Variants in PIEZO2 observed in about 807,000 individuals in gnomAD.
PIEZO2 encodes piezo type mechanosensitive ion channel component 2.
Under a neutral mutation model 337.3 loss-of-function variants are expected in PIEZO2, and 172 were observed. The observed-to-expected ratio is 0.51, with a 90% CI of 0.45 to 0.58. PIEZO2 has a LOEUF of 0.58. PIEZO2 is among the 20% of genes least tolerant of loss of function. The probability of loss-of-function intolerance (pLI) is 0.00; values close to 1 mark genes in which losing one functional copy is unlikely to be tolerated. For missense variants in PIEZO2, 3,028 were observed against 3,391.3 expected (o/e 0.89, Z 2.66); for synonymous variants, 1,251 against 1,228.5 (o/e 1.02, Z -0.38).
Position 10,870,451 on chromosome 18 carries a change from AAT to A in PIEZO2, c.492+800_492+801del, listed in dbSNP as rs1455477486. Reference sequence around the variant, plus strand: ...CGTTTTGCATCAAATGTCCAAATAAAATAGTCACTTTTTCCTTTATAAATGTT... The same window carrying A: ...CGTTTTGCATCAAATGTCCAAATAAAAGTCACTTTTTCCTTTATAAATGTT... On this transcript the variant is annotated intron_variant, in intron 5 of 55. Transcript: ENST00000674853. The surrounding 1 kb of genome is among the most constrained non-coding windows in gnomAD (Gnocchi z 5.3). Among the ~76,000 whole-genome samples, 10 of 151,406 alleles carry A rather than the reference AAT, an allele frequency of 6.6e-5. No individual in the cohort carries two copies. In the East Asian group the frequency reaches 1.7e-3, roughly 26 times the overall value.
At chr18:10,790,275 G>GAT (rs1184055989) in intron 14 of PIEZO2, among the ~76,000 whole-genome samples, 1 of 152,090 alleles carries the variant, frequency 6.6e-6, no homozygotes, top group Non-Finnish European at 1.5e-5. Context: ...TGTGTATGGA[G>GAT]ATATATATAT....
At position 11,028,369 on chromosome 18, in the gene PIEZO2, T is replaced by C. The variant is rs763607497; in HGVS notation, c.160+37758A>G. 6.6e-6 allele frequency among the ~76,000 whole-genome samples: 1 copy of C among 152,172 alleles called. No individual in the cohort carries two copies. Among genetic ancestry groups the C allele is most frequent in the Non-Finnish European group, 1.5e-5 (1 of 68,024 alleles). On this transcript the variant is annotated intron_variant, in intron 2 of 55. Transcript: ENST00000674853. The surrounding 1 kb of genome is among the most constrained non-coding windows in gnomAD (Gnocchi z 4.8). ...TCTGCCTCCCAGGTTCAAGCAATTA[T>C]CTTGCCTCAGCCTCCTGAGTAGCTG... is the stretch of plus-strand genomic sequence containing the variant.
rs1303773467 is a variant in PIEZO2, at chr18:11,028,984, C to T, written c.160+37143G>A. On this transcript the variant is annotated intron_variant, in intron 2 of 55. Coordinates refer to ENST00000674853, the MANE Select transcript of PIEZO2 (RefSeq NM_001378183.1). This position sits in a 1 kb window ranked among gnomAD's most constrained non-coding sequence, Gnocchi z 4.8. Reference sequence around the variant, plus strand: ...TAAACAACACCAGTTTTAAGCTGCACCGTCAGTTATTTAAATAGAAATTGA... The same window carrying T: ...TAAACAACACCAGTTTTAAGCTGCATCGTCAGTTATTTAAATAGAAATTGA... 6.6e-6 allele frequency among the ~76,000 whole-genome samples: 1 copy of T among 152,138 alleles called. No individual in the cohort carries two copies. Among genetic ancestry groups the T allele is most frequent in the Admixed American group, 6.5e-5 (1 of 15,282 alleles).
intron 2 of PIEZO2, among the ~76,000 whole-genome samples, chr18:11,037,337 A>T (rs573924184): frequency 6.6e-6 from 1 of 152,222 alleles, no homozygotes. Context: ...TATGCCACGT[A>T]AGAGGAGAGA....
chr18:10,691,979 AT>A (rs1239622013), intron 47 of PIEZO2, among the ~76,000 whole-genome samples: 1 of 151,698 alleles, frequency 6.6e-6, no homozygotes, highest in African/African-American at 2.4e-5. Context: ...CCAAGCCATC[AT>A]TTCTCAAGAC....
intron 37 of PIEZO2, among the ~76,000 whole-genome samples, chr18:10,717,603 G>C (rs2036067123): frequency 6.6e-6 from 1 of 152,070 alleles, no homozygotes; most frequent in Non-Finnish European, 1.5e-5. Context: ...TTTTCTTCCT[G>C]CATAAAGATA....
intron 51 of PIEZO2, 31 bp from the exon 52 acceptor site, chr18:10,680,402 A>G: frequency 6.4e-7 from 1 of 1,570,798 alleles, no homozygotes; most frequent in Non-Finnish European, 8.7e-7. Flanking sequence ...ATGCATAAAT[A>G]GATTATATGC....
intron 4 of PIEZO2, among the ~76,000 whole-genome samples, chr18:10,890,101 A>T (rs548434130): frequency 1.3e-3 from 197 of 152,326 alleles, no homozygotes; most frequent in African/African-American, 4.6e-3. Context: ...TGATGCTTTA[A>T]TTGGCTAGCA....
At chr18:10,925,860 G>T (rs77778788) in intron 3 of PIEZO2, among the ~76,000 whole-genome samples, 20,813 of 151,626 alleles carry the variant, frequency 0.14, 1,915 homozygotes, top group African/African-American at 0.26. Context: ...GAGTCACCGC[G>T]CCTGGCCAAA....
Position 10,871,375 on chromosome 18 carries a change from C to G in PIEZO2, c.370G>C (p.Val124Leu), listed in dbSNP as rs1423079210. The G allele has an allele frequency of 6.5e-7, 1 of 1,537,208 alleles. No individual in the cohort carries two copies. The highest frequency in any genetic ancestry group is 8.7e-7 in the Non-Finnish European group (1 of 1,146,908). Reference protein sequence around the residue: ...ADAGNGIRVFVPDIGMFIASL... With the variant: ...ADAGNGIRVFLPDIGMFIASL... ...GCAATGAACATCCCGATGTCAGGTACAAACACTCTGATCCCATTGCCAGCA... is the reference window on the plus strand; with the variant it reads ...GCAATGAACATCCCGATGTCAGGTAGAAACACTCTGATCCCATTGCCAGCA... The change falls in exon 5 of 56, where the codon GTA becomes CTA. Residue 124 changes from valine to leucine, a missense_variant. Coordinates refer to ENST00000674853, the MANE Select transcript of PIEZO2 (RefSeq NM_001378183.1).
chr18:10,996,616 G>C lies in PIEZO2; in HGVS notation c.161-16956C>G, dbSNP rs528574637. 1.4e-4 allele frequency among the ~76,000 whole-genome samples: 21 copies of C among 152,044 alleles called. No homozygotes were observed. The South Asian group carries it at 1.7e-3, about 12-fold the overall frequency. ...CTTTTGTGTCTCACTTTTTTCACTTGGTATAATGTTTTCAAGGCTCATTCA... is the reference window on the plus strand; with the variant it reads ...CTTTTGTGTCTCACTTTTTTCACTTCGTATAATGTTTTCAAGGCTCATTCA... On this transcript the variant is annotated intron_variant, in intron 2 of 55. Transcript: ENST00000674853.
rs1160979628 is a variant in PIEZO2, at chr18:11,031,863, T to C, written c.160+34264A>G. Among the ~76,000 whole-genome samples, 3 of 152,202 alleles carry C rather than the reference T, an allele frequency of 2.0e-5. No homozygotes were observed. Among genetic ancestry groups the C allele is most frequent in the African/African-American group, 7.2e-5 (3 of 41,440 alleles). On this transcript the variant is annotated intron_variant, in intron 2 of 55. Coordinates refer to ENST00000674853, the MANE Select transcript of PIEZO2 (RefSeq NM_001378183.1). This position sits in a 1 kb window ranked among gnomAD's most constrained non-coding sequence, Gnocchi z 4.7. The stretch of plus-strand genomic sequence containing the variant: ...TAATCTATTGGGTGTATTTTAATAT[T>C]TTATAATCCATTTGGCTGCTGAATA...
chr18:11,042,898 T>C (rs2037174907), intron 2 of PIEZO2, among the ~76,000 whole-genome samples: 1 of 152,218 alleles, frequency 6.6e-6, no homozygotes, highest in Non-Finnish European at 1.5e-5. Context: ...TTAAATGAGA[T>C]ACAGAAAATA....
chr18:10,771,186 G>A (rs1052103595), intron 20 of PIEZO2, among the ~76,000 whole-genome samples: 1 of 152,214 alleles, frequency 6.6e-6, no homozygotes, highest in African/African-American at 2.4e-5. Context: ...ACTGGTGAGT[G>A]GTAAAGCTCT....
At chr18:11,113,166 C>T (rs1178102547) in intron 1 of PIEZO2, among the ~76,000 whole-genome samples, 1 of 152,084 alleles carries the variant, frequency 6.6e-6, no homozygotes, top group African/African-American at 2.4e-5. Context: ...TTCTCCCACC[C>T]CAGCCCCTGA....
Position 10,770,219 on chromosome 18 carries a change from T to G in PIEZO2, c.2875A>C (p.Met959Leu). 1 of 1,537,502 alleles carries G rather than the reference T, an allele frequency of 6.5e-7. No individual in the cohort carries two copies. Among genetic ancestry groups the G allele is most frequent in the Non-Finnish European group, 8.7e-7 (1 of 1,146,956 alleles). Residue 959 changes from methionine (M) to leucine (L), a missense_variant, in exon 21 of 56, where the codon ATG (methionine) becomes CTG (leucine). Transcript: ENST00000674853. ...ATGTGCAACTCCAAAATCCACCACA[T>G]GAACACCTGCAGCTTGTGAAAATAC... is the stretch of plus-strand genomic sequence containing the variant. ...LEYFHKLQVF[M>L]WWILELHIIK...
chr18:10,864,234 C>T (rs1438139997), intron 5 of PIEZO2, among the ~76,000 whole-genome samples: 1 of 152,172 alleles, frequency 6.6e-6, no homozygotes, highest in Non-Finnish European at 1.5e-5. Flanking sequence ...CTCCATCTAT[C>T]CCTCCCTCCA....
intron 1 of PIEZO2, among the ~76,000 whole-genome samples, chr18:11,138,251 C>A (rs1235579507): frequency 2.0e-5 from 3 of 152,268 alleles, no homozygotes; most frequent in Admixed American, 2.0e-4. Flanking sequence ...ATTTGAAAAA[C>A]CTACAATCCA....
intron 7 of PIEZO2, 106 bp from the exon 8 acceptor site, chr18:10,807,380 T>G: frequency 9.9e-6 from 10 of 1,011,966 alleles, no homozygotes; most frequent in Non-Finnish European, 1.4e-5. Flanking sequence ...TATTCCTAGG[T>G]TGATCCGTTC....
Sources: gnomAD v4.1 joint callset for allele counts (sites outside exome capture counted in the v4.1 genomes callset) on GRCh38, gnomAD v4.1.1 for gene constraint, Gnocchi (gnomAD v3.1) non-coding constraint, MANE v1.5 for transcripts, NCBI Gene and HGNC (gene_info 2026-07-23, HGNC 2026-07-21) for gene names.